CPA6: variants seen among roughly 807,000 people sequenced by gnomAD.
CPA6 encodes carboxypeptidase B.
Under a neutral mutation model 63.3 loss-of-function variants are expected in CPA6, and 58 were observed. The ratio of observed to expected loss-of-function variants is 0.92; its 90% CI spans 0.74 to 1.14. The LOEUF is 1.14. Ranked by LOEUF, CPA6 falls within the 50% of genes most tolerant of loss-of-function variation. CPA6 has a pLI of 0.00. For missense variants in CPA6, 565 were observed against 526.6 expected, an observed-to-expected ratio of 1.07 and a Z score of -0.71; for synonymous variants, 185 against 179.0, an observed-to-expected ratio of 1.03 and a Z score of -0.27.
chr8:67,543,028 T>G (rs1326263371), intron 2 of CPA6, among the ~76,000 whole-genome samples: 1 of 152,250 alleles, frequency 6.6e-6, no homozygotes, highest in Non-Finnish European at 1.5e-5. Context: ...ACACACCTTT[T>G]AAACTGTGCT....
At chr8:67,585,337 A>G (rs1037217763) in intron 2 of CPA6, among the ~76,000 whole-genome samples, 8 of 152,192 alleles carry the variant, frequency 5.3e-5, no homozygotes, top group African/African-American at 1.9e-4. Context: ...TGGTTAAGGT[A>G]GCAGTAATTG....
chr8:67,427,518 A>G, intron 10 of CPA6, among the ~76,000 whole-genome samples: 1 of 152,184 alleles, frequency 6.6e-6, no homozygotes, highest in East Asian at 1.9e-4. Context: ...ATGGGAGATG[A>G]GGGGGGGTTG....
At position 67,675,569 on chromosome 8, in the gene CPA6, C is replaced by T. The variant is rs749950672; in HGVS notation, c.117-51318G>A. ...TTTGAGTAGAGAGGCCCCTATTGCC[C>T]GAGGCACTCAGCATTTCCATGGGAC... On this transcript the variant is annotated intron_variant, in intron 1 of 10. Transcript: ENST00000297770. Among the ~76,000 whole-genome samples, 17 of 152,220 alleles carry T rather than the reference C, an allele frequency of 1.1e-4. No homozygotes were observed. The South Asian group carries it at 1.9e-3, about 17-fold the overall frequency.
chr8:67,543,447 G>C (rs533968265), intron 2 of CPA6, among the ~76,000 whole-genome samples: 5 of 152,290 alleles, frequency 3.3e-5, no homozygotes, highest in African/African-American at 9.6e-5. Context: ...TATGCTGTCG[G>C]TTGAACATAC....
At chr8:67,437,021 G>A (rs1810175401) in intron 8 of CPA6, among the ~76,000 whole-genome samples, 1 of 152,178 alleles carries the variant, frequency 6.6e-6, no homozygotes, top group Admixed American at 6.5e-5. Flanking sequence ...TACAGCAATT[G>A]GGGTTTCCCT....
intron 1 of CPA6, among the ~76,000 whole-genome samples, chr8:67,670,589 T>C (rs528516651): frequency 1.2e-4 from 19 of 152,290 alleles, no homozygotes; most frequent in African/African-American, 4.3e-4. Flanking sequence ...ACTGTCCTCA[T>C]ATCCAGTGTT....
chr8:67,744,590 C>T (rs920196456), intron 1 of CPA6, among the ~76,000 whole-genome samples: 2 of 152,142 alleles, frequency 1.3e-5, no homozygotes, highest in Admixed American at 1.3e-4. Context: ...AGGTCATACA[C>T]GTGTGTCTAA....
intron 6 of CPA6, among the ~76,000 whole-genome samples, chr8:67,486,242 C>T (rs868417777): frequency 6.6e-6 from 1 of 152,224 alleles, no homozygotes; most frequent in East Asian, 1.9e-4. Flanking sequence ...ATTCAGGTTG[C>T]TAACGCAGTC....
At chr8:67,430,131 A>ATGTG (rs58059553) in intron 9 of CPA6, among the ~76,000 whole-genome samples, 4,664 of 128,560 alleles carry the variant, frequency 0.036, 90 homozygotes, top group Middle Eastern at 0.04. Context: ...GTATATATAT[A>ATGTG]TGTGTGTGTG....
intron 3 of CPA6, among the ~76,000 whole-genome samples, chr8:67,516,952 A>G (rs1812157608): frequency 2.0e-5 from 3 of 151,946 alleles, no homozygotes; most frequent in Non-Finnish European, 2.9e-5. Flanking sequence ...ACGTACCACT[A>G]CACCCAGCTA....
chr8:67,496,540 TATATATATATA>T (rs1811718686), intron 6 of CPA6, among the ~76,000 whole-genome samples: 2 of 139,630 alleles, frequency 1.4e-5, no homozygotes, highest in Admixed American at 7.1e-5. Flanking sequence ...TATATATATA[TATATATATATA>T]TATATATTTA....
chr8:67,604,617 C>T (rs1401481689), intron 2 of CPA6, among the ~76,000 whole-genome samples: 1 of 152,176 alleles, frequency 6.6e-6, no homozygotes, highest in Admixed American at 6.5e-5. Context: ...GTGTTTCCTG[C>T]TGTATCCCTC....
At chr8:67,693,388 G>A (rs768270591) in intron 1 of CPA6, among the ~76,000 whole-genome samples, 13 of 152,232 alleles carry the variant, frequency 8.5e-5, no homozygotes, top group Non-Finnish European at 1.8e-4. Context: ...GGTTGACCAC[G>A]TTGGAGTCAG....
At chr8:67,674,136 A>G (rs918697911) in intron 1 of CPA6, among the ~76,000 whole-genome samples, 1 of 152,228 alleles carries the variant, frequency 6.6e-6, no homozygotes, top group Non-Finnish European at 1.5e-5. Flanking sequence ...AGTTGTCATG[A>G]CATGACAGAG....
At chr8:67,513,150 A>C (rs1237339551) in intron 3 of CPA6, among the ~76,000 whole-genome samples, 1 of 152,234 alleles carries the variant, frequency 6.6e-6, no homozygotes, top group Non-Finnish European at 1.5e-5. Flanking sequence ...GCAGTGGCTC[A>C]AAATGTGAGT....
intron 8 of CPA6, among the ~76,000 whole-genome samples, chr8:67,444,838 T>C (rs1215279590): frequency 1.3e-5 from 2 of 150,836 alleles, no homozygotes; most frequent in African/African-American, 4.9e-5. Flanking sequence ...GGAATATCAG[T>C]ATTTAAAAGA....
intron 1 of CPA6, among the ~76,000 whole-genome samples, chr8:67,710,113 A>C (rs937962859): frequency 2.7e-5 from 2 of 75,396 alleles, no homozygotes; most frequent in African/African-American, 1.2e-4. Context: ...ACTTGGTTTC[A>C]AAAAAAAAAA....
intron 1 of CPA6, among the ~76,000 whole-genome samples, chr8:67,631,609 C>T (rs1815331658): frequency 6.6e-6 from 1 of 152,144 alleles, no homozygotes; most frequent in Non-Finnish European, 1.5e-5. Flanking sequence ...GTGGGTGGGG[C>T]CAGATAAGGG....
Position 67,452,035 on chromosome 8 carries a change from T to C in CPA6, c.839-17795A>G, listed in dbSNP as rs551349747. ...ATAACTTCATGACTAAGCATTTTCA[T>C]AGAGAAAAATAGGACCATTAAATTT... is the stretch of plus-strand genomic sequence containing the variant. On this transcript the variant is annotated intron_variant, in intron 8 of 10. Coordinates refer to ENST00000297770, the MANE Select transcript of CPA6 (RefSeq NM_020361.5). 8.5e-5 allele frequency among the ~76,000 whole-genome samples: 13 copies of C among 152,334 alleles called. 1 individual carries two copies. Among genetic ancestry groups the C allele is most frequent in the African/African-American group, 2.4e-4 (10 of 41,580 alleles).
Sources: gnomAD v4.1 joint callset for allele counts (sites outside exome capture counted in the v4.1 genomes callset) on GRCh38, gnomAD v4.1.1 for gene constraint, MANE v1.5 for transcripts, NCBI Gene and HGNC (gene_info 2026-07-23, HGNC 2026-07-21) for gene names.